Variants in PCMTD1 observed in about 807,000 individuals in gnomAD.
PCMTD1 encodes protein-L-isoaspartate (D-aspartate) O-methyltransferase domain containing 1, also known as protein-L-isoaspartate O-methyltransferase domain-containing protein 1.
In PCMTD1, 12 loss-of-function variants were observed where a neutral mutation model predicts 37.6. The ratio of observed to expected loss-of-function variants is 0.32; its 90% CI spans 0.20 to 0.52. The LOEUF is 0.52. Among genes scored for constraint, PCMTD1 ranks in the 20% least tolerant of loss-of-function variants. The pLI is 0.97. For missense variants in PCMTD1, 235 were observed against 421.3 expected (o/e 0.56, Z 3.87); for synonymous variants, 117 against 135.8 (o/e 0.86, Z 0.96).
At chr8:51,894,373 G>A (rs757297778) in intron 1 of PCMTD1, among the ~76,000 whole-genome samples, 11 of 152,146 alleles carry the variant, frequency 7.2e-5, no homozygotes, top group Non-Finnish European at 1.5e-4. Context: ...GAGGAACTCG[G>A]GCTTTCTTCC....
Position 51,861,254 on chromosome 8 carries a change from G to A in PCMTD1, c.-95-8C>T. ...TCCAAAAATAAATTAATCCTGGAAG[G>A]GAAGAACAAAAATAAACAGGTTTAA... On this transcript the variant is annotated splice_polypyrimidine_tract_variant and splice_region_variant and intron_variant, in intron 1 of 5. Coordinates refer to ENST00000522514, the MANE Select transcript of PCMTD1 (RefSeq NM_052937.4). 5 of 1,427,772 alleles carry A rather than the reference G, an allele frequency of 3.5e-6. No homozygotes were observed. Among genetic ancestry groups the A allele is most frequent in the African/African-American group, 1.4e-5 (1 of 69,214 alleles). The allele number at this position is 1,427,772 out of a possible 1,614,324, so 88.4% of individuals were successfully genotyped here.
At chr8:51,861,722 T>A (rs1428364804) in intron 1 of PCMTD1, among the ~76,000 whole-genome samples, 7 of 151,096 alleles carry the variant, frequency 4.6e-5, no homozygotes, top group Non-Finnish European at 1.0e-4. Flanking sequence ...ATGTTTTTTT[T>A]TTAATTTTTT....
chr8:51,846,477 C>G (rs974223255), intron 2 of PCMTD1, among the ~76,000 whole-genome samples: 4 of 152,180 alleles, frequency 2.6e-5, no homozygotes, highest in African/African-American at 9.7e-5. Flanking sequence ...TCTCCTAAGG[C>G]TACTGTACAT....
At chr8:51,884,941 T>A (rs2038844006) in intron 1 of PCMTD1, among the ~76,000 whole-genome samples, 1 of 152,204 alleles carries the variant, frequency 6.6e-6, no homozygotes, top group South Asian at 2.1e-4. Flanking sequence ...TTTCTTAACA[T>A]CTATTTCTAT....
chr8:51,869,319 T>C (rs1403709378), intron 1 of PCMTD1, among the ~76,000 whole-genome samples: 1 of 152,128 alleles, frequency 6.6e-6, no homozygotes, highest in Non-Finnish European at 1.5e-5. Context: ...CATGGAAAAG[T>C]CAAATACAAG....
chr8:51,866,304 TC>T (rs1282052901), intron 1 of PCMTD1, among the ~76,000 whole-genome samples: 5 of 151,674 alleles, frequency 3.3e-5, no homozygotes, highest in Non-Finnish European at 7.4e-5. Context: ...TAGGAAACAA[TC>T]CTAAAATTTG....
At chr8:51,891,591 AT>A (rs2038936513) in intron 1 of PCMTD1, among the ~76,000 whole-genome samples, 1 of 151,554 alleles carries the variant, frequency 6.6e-6, no homozygotes, top group East Asian at 1.9e-4. Flanking sequence ...CAAATCCCAA[AT>A]TTAGCATAGA....
At chr8:51,847,907 G>A (rs1237198424) in intron 2 of PCMTD1, among the ~76,000 whole-genome samples, 4 of 131,656 alleles carry the variant, frequency 3.0e-5, no homozygotes, top group South Asian at 5.7e-4. Flanking sequence ...GCAAGGCTTC[G>A]TCTCTACAAT....
intron 1 of PCMTD1, among the ~76,000 whole-genome samples, chr8:51,871,898 A>G (rs1234288657): frequency 1.3e-5 from 2 of 152,234 alleles, no homozygotes; most frequent in Non-Finnish European, 2.9e-5. Flanking sequence ...TTTTTTAAAA[A>G]GAAGCTCTCT....
intron 5 of PCMTD1, among the ~76,000 whole-genome samples, chr8:51,821,097 C>A (rs199895906): frequency 8.7e-6 from 1 of 115,480 alleles, no homozygotes; most frequent in African/African-American, 5.2e-5. Context: ...ATGAAAAGTA[C>A]TACTTATTCA....
At chr8:51,880,195 G>A (rs1347642463) in intron 1 of PCMTD1, among the ~76,000 whole-genome samples, 1 of 114,134 alleles carries the variant, frequency 8.8e-6, no homozygotes, top group African/African-American at 2.5e-5. Context: ...GCAAGATCCT[G>A]TCTCCTTTTA....
chr8:51,847,574 C>T (rs2038240540), intron 2 of PCMTD1, among the ~76,000 whole-genome samples: 1 of 152,066 alleles, frequency 6.6e-6, no homozygotes, highest in Non-Finnish European at 1.5e-5. Context: ...TTGCACTGAG[C>T]CAAGATCTTG....
In PCMTD1 at chr8:51,830,388, G is replaced by A. The variant is rs370291798; in HGVS notation, c.706+1056C>T. Among the ~76,000 whole-genome samples the A allele has an allele frequency of 2.0e-4, 31 of 152,338 alleles. 1 individual carries two copies. The highest frequency in any genetic ancestry group is 7.0e-4 in the African/African-American group (29 of 41,564). On this transcript the variant is annotated intron_variant, in intron 5 of 5. Coordinates refer to ENST00000522514, the MANE Select transcript of PCMTD1 (RefSeq NM_052937.4). ...AACTCAAACACGGTGAAAGGAAAATGTCAGACCTTTCTATGCCTATTTCCA... is the reference window on the plus strand; with the variant it reads ...AACTCAAACACGGTGAAAGGAAAATATCAGACCTTTCTATGCCTATTTCCA...
intron 2 of PCMTD1, chr8:51,849,002 T>C (rs1019962071): frequency 4.6e-5 from 7 of 150,856 alleles, no homozygotes; most frequent in African/African-American, 1.7e-4. Flanking sequence ...ACACCTTGAA[T>C]GCATTAAGTG....
At chr8:51,826,612 G>A (rs770302523) in intron 5 of PCMTD1, among the ~76,000 whole-genome samples, 5 of 152,164 alleles carry the variant, frequency 3.3e-5, no homozygotes, top group Non-Finnish European at 7.4e-5. Flanking sequence ...AAGGTAGGCT[G>A]TATGTAGATT....
At position 51,835,664 on chromosome 8, in the gene PCMTD1, G is replaced by A. The variant is rs145566750; in HGVS notation, c.411-1975C>T. Among the ~76,000 whole-genome samples, 36 of 151,660 alleles carry A rather than the reference G, an allele frequency of 2.4e-4. No homozygotes were observed. The East Asian group carries it at 7.0e-3, about 29-fold the overall frequency. Reference sequence around the variant, plus strand: ...TAATTTTCAGGATGAATGTGACTAGGGAATTTAAATAATTAAAAATTTTTG... The same window carrying A: ...TAATTTTCAGGATGAATGTGACTAGAGAATTTAAATAATTAAAAATTTTTG... On this transcript the variant is annotated intron_variant, in intron 3 of 5. Transcript: ENST00000522514.
intron 3 of PCMTD1, among the ~76,000 whole-genome samples, chr8:51,838,302 T>A (rs2038096452): frequency 6.6e-6 from 1 of 152,070 alleles, no homozygotes; most frequent in South Asian, 2.1e-4. Flanking sequence ...GTCTGGGTAA[T>A]GTGGCAAGAC....
chr8:51,858,241 C>A (rs72639737), intron 2 of PCMTD1, among the ~76,000 whole-genome samples: 2 of 152,158 alleles, frequency 1.3e-5, no homozygotes, highest in South Asian at 2.1e-4. Flanking sequence ...ATCACAGATA[C>A]CCCGCTCTCC....
intron 4 of PCMTD1, among the ~76,000 whole-genome samples, chr8:51,832,650 T>C (rs181016496): frequency 5.3e-5 from 8 of 152,362 alleles, no homozygotes; most frequent in African/African-American, 1.7e-4. Context: ...TTGAAAGGTA[T>C]ACCCATTTTC....
Sources: gnomAD v4.1 joint callset for allele counts (sites outside exome capture counted in the v4.1 genomes callset) on GRCh38, gnomAD v4.1.1 for gene constraint, MANE v1.5 for transcripts, NCBI Gene and HGNC (gene_info 2026-07-23, HGNC 2026-07-21) for gene names.